The following SPIDR variants were observed in gnomAD, a reference collection of about 807,000 sequenced individuals.
SPIDR encodes scaffold protein involved in DNA repair, also known as DNA repair-scaffolding protein.
Under a neutral mutation model 104.6 loss-of-function variants are expected in SPIDR, and 93 were observed. That is an observed-to-expected ratio of 0.89 (90% CI 0.75 to 1.06). The LOEUF (loss-of-function observed/expected upper bound fraction) is 1.06, where lower values mean the gene tolerates loss of function less well. Among genes scored for constraint, SPIDR ranks in the 50% least tolerant of loss-of-function variants. The probability of loss-of-function intolerance (pLI) is 0.00; values close to 1 mark genes in which losing one functional copy is unlikely to be tolerated. For synonymous variants in SPIDR, 431 were observed against 416.9 expected (o/e 1.03, Z -0.41); for missense variants, 1,154 against 1,111.2 (o/e 1.04, Z -0.55).
At chr8:47,713,922 C>A (rs1421537831) in intron 16 of SPIDR, among the ~76,000 whole-genome samples, 3 of 152,120 alleles carry the variant, frequency 2.0e-5, no homozygotes, top group Admixed American at 6.5e-5. Flanking sequence ...GGGAAGGCTT[C>A]CCAAAGACAG....
At position 47,534,356 on chromosome 8, in the gene SPIDR, C is replaced by T. The variant is rs187881645; in HGVS notation, c.1098-61455C>T. 2.0e-5 allele frequency among the ~76,000 whole-genome samples: 3 copies of T among 152,198 alleles called. No homozygotes were observed. The East Asian group carries it at 5.8e-4, about 29-fold the overall frequency. ...TGAATGTTTATTGCAGCACTGTTCA[C>T]AATAGCAAAGACATGGAATCAACCT... On this transcript the variant is annotated intron_variant, in intron 8 of 19. Coordinates refer to ENST00000297423, the MANE Select transcript of SPIDR (RefSeq NM_001080394.4).
chr8:47,642,987 T>G (rs1213695530), intron 10 of SPIDR, among the ~76,000 whole-genome samples: 1 of 152,248 alleles, frequency 6.6e-6, no homozygotes. Context: ...ATGAAGATCT[T>G]AATCATACAT....
intron 7 of SPIDR, among the ~76,000 whole-genome samples, chr8:47,416,021 A>G: frequency 6.6e-6 from 1 of 152,234 alleles, no homozygotes; most frequent in Non-Finnish European, 1.5e-5. Flanking sequence ...CAAGGCCGGC[A>G]GATCACAAGG....
intron 5 of SPIDR, among the ~76,000 whole-genome samples, chr8:47,343,594 C>G (rs1328236960): frequency 6.6e-6 from 1 of 152,170 alleles, no homozygotes; most frequent in Admixed American, 6.5e-5. Flanking sequence ...GATGGAGTCT[C>G]ATCTGCGTGT....
chr8:47,733,726 G>A (rs2085669386), intron 19 of SPIDR, among the ~76,000 whole-genome samples: 1 of 152,026 alleles, frequency 6.6e-6, no homozygotes, highest in Admixed American at 6.6e-5. Context: ...GCCCACATGG[G>A]ATCATAATAA....
At chr8:47,410,885 C>T (rs999621531) in intron 7 of SPIDR, among the ~76,000 whole-genome samples, 4 of 152,106 alleles carry the variant, frequency 2.6e-5, no homozygotes, top group African/African-American at 9.7e-5. Context: ...GTTCATTTCC[C>T]ACCTATGAGT....
At chr8:47,735,097 TGTGTGTGTGTGTGG>T (rs951322951) in intron 19 of SPIDR, among the ~76,000 whole-genome samples, 196 bp from the exon 20 acceptor site, 35 of 143,494 alleles carry the variant, frequency 2.4e-4, no homozygotes, top group East Asian at 1.4e-3. Flanking sequence ...GGTGTGTGGG[TGTGTGTGTGTGTGG>T]GTGTGTGTGT....
chr8:47,622,392 C>T (rs2065292657), intron 10 of SPIDR, among the ~76,000 whole-genome samples: 1 of 152,190 alleles, frequency 6.6e-6, no homozygotes, highest in African/African-American at 2.4e-5. Flanking sequence ...CCCTAAGCTT[C>T]TGGCCTCCTG....
rs895639741 is a variant in SPIDR, at chr8:47,532,361, G to A, written c.1098-63450G>A. On this transcript the variant is annotated intron_variant, in intron 8 of 19. Transcript: ENST00000297423. The stretch of plus-strand genomic sequence containing the variant: ...TGGGATTATAGGCATGAGCCACCAC[G>A]CCTGGCCCAGAGTGGATTTAAACAA... 8.5e-5 allele frequency among the ~76,000 whole-genome samples: 13 copies of A among 152,236 alleles called. No homozygotes were observed. The East Asian group carries it at 9.7e-4, about 11-fold the overall frequency.
At chr8:47,659,291 C>T (rs1563452788) in intron 10 of SPIDR, among the ~76,000 whole-genome samples, 1 of 152,082 alleles carries the variant, frequency 6.6e-6, no homozygotes, top group Admixed American at 6.5e-5. Context: ...TTTTTTCCCT[C>T]TTCTTTTGGT....
intron 8 of SPIDR, among the ~76,000 whole-genome samples, chr8:47,446,925 T>C (rs2154346471): frequency 6.6e-6 from 1 of 152,294 alleles, no homozygotes; most frequent in South Asian, 2.1e-4. Context: ...AAAACCTTCC[T>C]GAAAGGACTC....
chr8:47,669,536 A>G (rs567958063), intron 10 of SPIDR, among the ~76,000 whole-genome samples: 44 of 152,240 alleles, frequency 2.9e-4, no homozygotes, highest in Non-Finnish European at 5.4e-4. Flanking sequence ...AAGAATAGAC[A>G]GAAGCACCCT....
chr8:47,433,252 A>G (rs1016905427), intron 7 of SPIDR, among the ~76,000 whole-genome samples: 2 of 152,138 alleles, frequency 1.3e-5, no homozygotes, highest in African/African-American at 4.8e-5. Flanking sequence ...AGACACCATC[A>G]TCCATCCTGG....
chr8:47,565,985 TA>T (rs2057754701), intron 8 of SPIDR, among the ~76,000 whole-genome samples: 56 of 48,860 alleles, frequency 1.1e-3, no homozygotes, highest in Non-Finnish European at 2.6e-3. Context: ...TATATATATA[TA>T]TATATATTTT....
rs372176227 is a variant in SPIDR at position 47,391,771 on chromosome 8, C to T, written c.526-4605C>T. Among the ~76,000 whole-genome samples, 6 of 151,710 alleles carry T rather than the reference C, an allele frequency of 4.0e-5. No homozygotes were observed. In the East Asian group the frequency reaches 7.8e-4, roughly 20 times the overall value. On this transcript the variant is annotated intron_variant, in intron 5 of 19. Transcript: ENST00000297423. Reference sequence around the variant, plus strand: ...CAGCACTTTGGGAGGCCAAGGCGGGCGGATCACGAGGTCAGGAGATCGAGA... The same window carrying T: ...CAGCACTTTGGGAGGCCAAGGCGGGTGGATCACGAGGTCAGGAGATCGAGA...
At chr8:47,651,301 A>G (rs1160219790) in intron 10 of SPIDR, among the ~76,000 whole-genome samples, 2 of 152,224 alleles carry the variant, frequency 1.3e-5, no homozygotes, top group Non-Finnish European at 2.9e-5. Context: ...ACATGAATAG[A>G]TATTTCTCAA....
chr8:47,603,087 C>T (rs537788446), intron 10 of SPIDR, among the ~76,000 whole-genome samples: 1 of 152,172 alleles, frequency 6.6e-6, no homozygotes, highest in Admixed American at 6.5e-5. Context: ...CCCAAACACA[C>T]CTTTTTTATA....
intron 16 of SPIDR, among the ~76,000 whole-genome samples, chr8:47,726,675 G>A (rs751251714): frequency 2.0e-5 from 3 of 152,166 alleles, no homozygotes; most frequent in African/African-American, 4.8e-5. Flanking sequence ...GATGCCCAGA[G>A]GTGTCTTTGA....
chr8:47,666,520 T>C (rs892924556), intron 10 of SPIDR, among the ~76,000 whole-genome samples: 15 of 152,228 alleles, frequency 9.9e-5, no homozygotes, highest in Non-Finnish European at 1.9e-4. Context: ...CATTTTATTG[T>C]TAGTTTGCTT....
Sources: gnomAD v4.1 joint callset for allele counts (sites outside exome capture counted in the v4.1 genomes callset) on GRCh38, gnomAD v4.1.1 for gene constraint, MANE v1.5 for transcripts, NCBI Gene and HGNC (gene_info 2026-07-23, HGNC 2026-07-21) for gene names.